Variants in EPHB1 observed in about 807,000 individuals in gnomAD.
EPHB1 encodes the protein ephrin type-B receptor 1.
Under a neutral mutation model 94.4 loss-of-function variants are expected in EPHB1, and 30 were observed. That is an observed-to-expected ratio of 0.32 (90% CI 0.24 to 0.43). EPHB1 has a LOEUF of 0.43. Among genes scored for constraint, EPHB1 ranks in the 20% least tolerant of loss-of-function variants. The probability of loss-of-function intolerance (pLI) is 1.00; values close to 1 mark genes in which losing one functional copy is unlikely to be tolerated. For synonymous variants in EPHB1, 522 were observed against 489.1 expected, an observed-to-expected ratio of 1.07 and a Z score of -0.89; for missense variants, 1,055 against 1,308.3, an observed-to-expected ratio of 0.81 and a Z score of 2.99.
At chr3:134,808,396 G>A (rs935997986) in intron 1 of EPHB1, among the ~76,000 whole-genome samples, 2 of 152,160 alleles carry the variant, frequency 1.3e-5, no homozygotes, top group African/African-American at 4.8e-5. Context: ...AGCTGAGGGG[G>A]AAGGGCTAGC....
At chr3:134,953,188 G>C (rs73214117) in intron 3 of EPHB1, among the ~76,000 whole-genome samples, 2,871 of 152,284 alleles carry the variant, frequency 0.019, 49 homozygotes, top group South Asian at 0.033. Context: ...GCCTATGCCA[G>C]TTTACTTCCC....
intron 3 of EPHB1, among the ~76,000 whole-genome samples, chr3:134,987,686 G>A (rs1219238457): frequency 6.6e-6 from 1 of 152,170 alleles, no homozygotes; most frequent in African/African-American, 2.4e-5. Context: ...CAGGAGAACC[G>A]CTTGAACCCG....
intron 1 of EPHB1, among the ~76,000 whole-genome samples, chr3:134,818,405 G>A (rs1284800106): frequency 6.6e-6 from 1 of 152,170 alleles, no homozygotes; most frequent in East Asian, 1.9e-4. Context: ...AGTAATTGGG[G>A]TACAGGTAGT....
chr3:134,819,338 AT>A (rs1172586382), intron 1 of EPHB1, among the ~76,000 whole-genome samples: 1 of 152,078 alleles, frequency 6.6e-6, no homozygotes, highest in Non-Finnish European at 1.5e-5. Context: ...AGCAGGCAGT[AT>A]GGGTTCCCTG....
intron 3 of EPHB1, among the ~76,000 whole-genome samples, chr3:135,045,342 TTTGA>T (rs1936969815): frequency 6.6e-6 from 1 of 152,228 alleles, no homozygotes; most frequent in Admixed American, 6.5e-5. Context: ...AAGGTTAGTG[TTTGA>T]TTAAGTCTTT....
chr3:135,201,796 C>G lies in EPHB1; in HGVS notation c.2346+107C>G. ...ACACTGGGAGGGAATGGAACCTGAA[C>G]TGAGCTCTCCACTGAAAGACCAAGA... On this transcript the variant is annotated intron_variant, in intron 12 of 15. Transcript: ENST00000398015. 2 of 1,073,018 alleles carry G rather than the reference C, an allele frequency of 1.9e-6. 1 individual carries two copies. Among genetic ancestry groups the G allele is most frequent in the South Asian group, 3.1e-5 (2 of 65,076 alleles). 66.5% of individuals were successfully genotyped at this position (1,073,018 alleles called of 1,614,324 possible). A position where few individuals can be genotyped will look rare whatever the true frequency, so the allele number is the denominator to read the frequency against.
chr3:135,176,247 G>A (rs1049290479), intron 9 of EPHB1, among the ~76,000 whole-genome samples: 2 of 152,104 alleles, frequency 1.3e-5, no homozygotes, highest in Non-Finnish European at 2.9e-5. Context: ...CACCTTCCCA[G>A]CCCACCCTAT....
At chr3:135,134,486 G>GGT (rs144165420) in intron 5 of EPHB1, among the ~76,000 whole-genome samples, 26 of 151,254 alleles carry the variant, frequency 1.7e-4, no homozygotes, top group Admixed American at 7.9e-4. Context: ...GCTGTGTGTG[G>GGT]GTGTGTGTGT....
At chr3:134,822,831 G>A (rs2036406175) in intron 1 of EPHB1, among the ~76,000 whole-genome samples, 1 of 152,222 alleles carries the variant, frequency 6.6e-6, no homozygotes, top group African/African-American at 2.4e-5. Context: ...GTTTGTGGGA[G>A]TTGGGGTAGC....
chr3:134,941,463 G>A (rs933309294), intron 2 of EPHB1, among the ~76,000 whole-genome samples: 10 of 150,556 alleles, frequency 6.6e-5, no homozygotes, highest in African/African-American at 2.5e-4. Context: ...AGTGGAATCA[G>A]CTCAAATCTC....
chr3:135,056,902 C>G (rs1937365328), intron 3 of EPHB1, among the ~76,000 whole-genome samples: 1 of 152,114 alleles, frequency 6.6e-6, no homozygotes, highest in Non-Finnish European at 1.5e-5. Context: ...AGATTCTTAC[C>G]CAAGTGCGTG....
chr3:135,126,621 G>C (rs1245268377), intron 4 of EPHB1, among the ~76,000 whole-genome samples: 4 of 152,194 alleles, frequency 2.6e-5, no homozygotes, highest in South Asian at 2.1e-4. Flanking sequence ...GCTGGGGCTA[G>C]GTGGCCAGGA....
chr3:135,193,332 G>C (rs576576210), intron 11 of EPHB1, among the ~76,000 whole-genome samples: 1 of 152,324 alleles, frequency 6.6e-6, no homozygotes, highest in South Asian at 2.1e-4. Flanking sequence ...AGCATCCACG[G>C]GTATTTCTGT....
chr3:134,999,375 A>G (rs1935100629), intron 3 of EPHB1, among the ~76,000 whole-genome samples: 1 of 152,178 alleles, frequency 6.6e-6, no homozygotes, highest in Non-Finnish European at 1.5e-5. Flanking sequence ...ATATTTGAAA[A>G]AGCCATTCTG....
intron 5 of EPHB1, among the ~76,000 whole-genome samples, chr3:135,141,983 G>A (rs1200534729): frequency 2.6e-5 from 4 of 152,202 alleles, no homozygotes; most frequent in Non-Finnish European, 5.9e-5. Context: ...GAGTACAGAG[G>A]AGACCTCCCC....
intron 1 of EPHB1, among the ~76,000 whole-genome samples, chr3:134,855,329 G>C (rs1201998428): frequency 6.6e-6 from 1 of 152,214 alleles, no homozygotes; most frequent in Non-Finnish European, 1.5e-5. Flanking sequence ...CCAGAGGCCA[G>C]AGGCTTTGGA....
chr3:135,105,249 C>T (rs934018049), intron 3 of EPHB1, among the ~76,000 whole-genome samples: 2 of 152,204 alleles, frequency 1.3e-5, no homozygotes, highest in South Asian at 2.1e-4. Context: ...ATTTATATGA[C>T]TTCATTGGAT....
chr3:135,107,886 C>G (rs1939282358), intron 4 of EPHB1, among the ~76,000 whole-genome samples: 1 of 152,184 alleles, frequency 6.6e-6, no homozygotes, highest in Non-Finnish European at 1.5e-5. Context: ...ATGATTGTTT[C>G]TGCTGACCAG....
At chr3:134,796,017 CTGGGGCAGAGCCAGAGCTGGGCGT>C in intron 1 of EPHB1, 1 of 415,228 alleles carries the variant, frequency 2.4e-6, no homozygotes, top group South Asian at 2.9e-5. Context: ...CTCCTTAGCT[CTGGGGCAGAGCCAGAGCTGGGCGT>C]TGGGGAGAAA....
Sources: allele counts gnomAD v4.1 joint callset (sites outside exome capture counted in the v4.1 genomes callset), GRCh38; gene constraint gnomAD v4.1.1; transcripts MANE v1.5; gene names NCBI Gene and HGNC (gene_info 2026-07-23, HGNC 2026-07-21).